ELSPBP1: variants seen among roughly 807,000 people sequenced by gnomAD.
ELSPBP1 encodes the protein epididymal sperm binding protein 1, also known as epididymal sperm-binding protein 1.
A neutral mutation model predicts 33.3 loss-of-function variants in ELSPBP1; 38 were observed. The observed-to-expected ratio is 1.14, with a 90% CI of 0.88 to 1.50. The LOEUF (loss-of-function observed/expected upper bound fraction) is 1.50. ELSPBP1 is among the 40% of genes most tolerant of loss of function. The probability of loss-of-function intolerance (pLI) is 0.00; values close to 1 mark genes in which losing one functional copy is unlikely to be tolerated. For missense variants in ELSPBP1, 267 were observed against 263.5 expected, an observed-to-expected ratio of 1.01 and a Z score of -0.09; for synonymous variants, 85 against 94.1, an observed-to-expected ratio of 0.90 and a Z score of 0.56.
chr19:48,001,203 G>A (rs545501223), intron 1 of ELSPBP1, among the ~76,000 whole-genome samples: 10 of 147,836 alleles, frequency 6.8e-5, no homozygotes, highest in South Asian at 6.4e-4. Flanking sequence ...ACAGAGTCTC[G>A]CTCTGTTGAC....
chr19:48,006,034 C>T (rs1458732721), intron 1 of ELSPBP1, among the ~76,000 whole-genome samples: 2 of 152,142 alleles, frequency 1.3e-5, no homozygotes, highest in Admixed American at 1.3e-4. Context: ...GATCATAGTG[C>T]ACTGCAGCCT....
intron 1 of ELSPBP1, among the ~76,000 whole-genome samples, chr19:48,004,984 C>T (rs889286621): frequency 1.3e-5 from 2 of 152,148 alleles, no homozygotes; most frequent in Admixed American, 6.5e-5. Flanking sequence ...ATGGCTTGGG[C>T]TCAGGAGTTT....
chr19:47,999,663 C>T (rs887931984), intron 1 of ELSPBP1, among the ~76,000 whole-genome samples: 2 of 152,004 alleles, frequency 1.3e-5, no homozygotes, highest in African/African-American at 4.8e-5. Flanking sequence ...GCTGGGATTA[C>T]AGGCGTGAGC....
intron 3 of ELSPBP1, 146 bp downstream of exon 3, chr19:48,014,454 G>A (rs1967110556): frequency 2.7e-6 from 2 of 731,790 alleles, no homozygotes; most frequent in African/African-American, 3.9e-5. Context: ...GGGTTTTAAT[G>A]ATCGCCATTC....
At chr19:48,016,213 G>A (rs143914616) in intron 4 of ELSPBP1, among the ~76,000 whole-genome samples, 174 bp downstream of exon 4, 191 of 152,320 alleles carry the variant, frequency 1.3e-3, no homozygotes, top group Non-Finnish European at 2.5e-3. Context: ...GGGGTATCCC[G>A]AGGCCATTCG....
chr19:48,006,113 A>G (rs1435663228), intron 1 of ELSPBP1, among the ~76,000 whole-genome samples: 2 of 152,032 alleles, frequency 1.3e-5, no homozygotes, highest in African/African-American at 4.8e-5. Flanking sequence ...GGCATGCACC[A>G]CCATGCAAGG....
chr19:48,007,949 T>C (rs566122824), intron 1 of ELSPBP1, among the ~76,000 whole-genome samples: 1 of 152,310 alleles, frequency 6.6e-6, no homozygotes, highest in East Asian at 1.9e-4. Context: ...CAACAAGTGT[T>C]TCATTTTTTT....
chr19:48,004,493 G>A (rs1456758879), intron 1 of ELSPBP1, among the ~76,000 whole-genome samples: 2 of 152,132 alleles, frequency 1.3e-5, no homozygotes, highest in African/African-American at 2.4e-5. Flanking sequence ...TGCTCCTTGA[G>A]CACATCTAGC....
chr19:48,009,096 A>G (rs985330214), intron 2 of ELSPBP1, among the ~76,000 whole-genome samples: 2 of 149,650 alleles, frequency 1.3e-5, no homozygotes, highest in Admixed American at 6.8e-5. Context: ...AGATCGTACC[A>G]CTGAACTCCA....
intron 4 of ELSPBP1, among the ~76,000 whole-genome samples, chr19:48,018,626 G>C (rs1231912414): frequency 2.0e-5 from 3 of 152,106 alleles, no homozygotes; most frequent in Non-Finnish European, 4.4e-5. Context: ...GTGATTATTA[G>C]CCCAGTTTTA....
chr19:47,995,555 G>A (rs1159996120), intron 1 of ELSPBP1, among the ~76,000 whole-genome samples: 2 of 152,140 alleles, frequency 1.3e-5, no homozygotes, highest in African/African-American at 4.8e-5. Flanking sequence ...CCCTCCAAAG[G>A]CAGCCTAAAT....
chr19:48,008,210 T>C (rs1967041567), intron 1 of ELSPBP1, among the ~76,000 whole-genome samples: 1 of 151,452 alleles, frequency 6.6e-6, no homozygotes, highest in Non-Finnish European at 1.5e-5. Flanking sequence ...TGTAGAAACA[T>C]ATGTGTGTGT....
intron 3 of ELSPBP1, 67 bp from the exon 4 acceptor site, chr19:48,015,826 A>G: frequency 6.9e-7 from 1 of 1,458,796 alleles, no homozygotes; most frequent in South Asian, 1.3e-5. Flanking sequence ...TTGATTGATG[A>G]TTAAATGACT....
chr19:48,017,896 C>CAA lies in ELSPBP1; in HGVS notation c.356-1800_356-1799dup, dbSNP rs60130865. 2.1e-3 allele frequency among the ~76,000 whole-genome samples: 141 copies of CAA among 66,030 alleles called. 1 individual carries two copies. Among genetic ancestry groups the CAA allele is most frequent in the Non-Finnish European group, 2.3e-3 (83 of 36,886 alleles). 43.3% of individuals were successfully genotyped at this position (66,030 alleles called of 152,430 possible). A position where few individuals can be genotyped will look rare whatever the true frequency, so the allele number is the denominator to read the frequency against. ...TGGGCAACAGAGTGAGATCTTGTCT[C>CAA]AAAAAAAAAAAAAAAAAAAAAAAAG... On this transcript the variant is annotated intron_variant, in intron 4 of 6. Transcript: ENST00000339841.
Position 48,011,108 on chromosome 19 carries a change from A to G in ELSPBP1, c.70+2371A>G, listed in dbSNP as rs1243824506. ...GACAACAATAATAGCGACAATGACA[A>G]TGATGATGGTGACAGTGATGATGAT... On this transcript the variant is annotated intron_variant, in intron 2 of 6. Coordinates refer to ENST00000339841, the MANE Select transcript of ELSPBP1 (RefSeq NM_022142.5). The surrounding 1 kb of genome is among the most constrained non-coding windows in gnomAD (Gnocchi z 4.5). Among the ~76,000 whole-genome samples, 1 of 151,046 alleles carries G rather than the reference A, an allele frequency of 6.6e-6. No individual in the cohort carries two copies. The highest frequency in any genetic ancestry group is 6.6e-5 in the Admixed American group (1 of 15,080).
intron 1 of ELSPBP1, among the ~76,000 whole-genome samples, chr19:48,005,160 G>A (rs960839799): frequency 4.6e-5 from 7 of 151,508 alleles, no homozygotes; most frequent in Non-Finnish European, 1.0e-4. Context: ...CCATGATGGC[G>A]CCACTGCACT....
intron 1 of ELSPBP1, among the ~76,000 whole-genome samples, chr19:47,995,955 G>C (rs1473330426): frequency 8.5e-5 from 13 of 152,288 alleles, no homozygotes; most frequent in Admixed American, 7.8e-4. Flanking sequence ...GGGCTAAGCT[G>C]CCTCTTGGGC....
chr19:48,001,441 C>T (rs117012466), intron 1 of ELSPBP1, among the ~76,000 whole-genome samples: 1,766 of 151,968 alleles, frequency 0.012, 19 homozygotes, highest in Non-Finnish European at 0.017. Context: ...CCACCCGCCT[C>T]GGCATCCCAC....
chr19:48,013,085 A>G (rs548997272), intron 2 of ELSPBP1, among the ~76,000 whole-genome samples: 1 of 152,234 alleles, frequency 6.6e-6, no homozygotes, highest in Non-Finnish European at 1.5e-5. Context: ...GCGTAAGCAG[A>G]AGGACTAAAA....
Sources: allele counts gnomAD v4.1 joint callset (sites outside exome capture counted in the v4.1 genomes callset), GRCh38; gene constraint gnomAD v4.1.1; non-coding constraint Gnocchi (gnomAD v3.1); transcripts MANE v1.5; gene names NCBI Gene and HGNC (gene_info 2026-07-23, HGNC 2026-07-21).